The following SMR3A variants were observed in gnomAD, a reference collection of about 807,000 sequenced individuals.
SMR3A encodes the protein submaxillary gland androgen regulated protein 3A.
For missense variants in SMR3A, 188 were observed against 163.0 expected, an observed-to-expected ratio of 1.15 and a Z score of -0.84; for synonymous variants, 48 against 57.4, an observed-to-expected ratio of 0.84 and a Z score of 0.74.
chr4:70,361,247 C>A (rs1732140995), intron 1 of SMR3A, among the ~76,000 whole-genome samples: 1 of 151,916 alleles, frequency 6.6e-6, no homozygotes, highest in African/African-American at 2.4e-5. Flanking sequence ...GCCACACCCA[C>A]ATACAATTGA....
intron 2 of SMR3A, among the ~76,000 whole-genome samples, chr4:70,364,239 C>T (rs1842473): frequency 0.95 from 143,993 of 152,024 alleles, 68,272 homozygotes; most frequent in East Asian, 1. Flanking sequence ...TATTTATTTC[C>T]CAAATGATGT....
At chr4:70,365,875 C>T (rs1319412321) in intron 2 of SMR3A, among the ~76,000 whole-genome samples, 2 of 152,042 alleles carry the variant, frequency 1.3e-5, no homozygotes, top group Non-Finnish European at 2.9e-5. Context: ...CTTTCCCATG[C>T]TGCAAAGGCA....
intron 2 of SMR3A, among the ~76,000 whole-genome samples, chr4:70,363,049 T>C (rs907531877): frequency 3.9e-5 from 6 of 151,980 alleles, no homozygotes; most frequent in African/African-American, 1.4e-4. Flanking sequence ...GCATGCATTA[T>C]GGGTGGACAT....
chr4:70,363,517 A>G (rs1051673954), intron 2 of SMR3A, among the ~76,000 whole-genome samples: 2 of 152,030 alleles, frequency 1.3e-5, no homozygotes, highest in African/African-American at 4.8e-5. Context: ...ATAAATTTAG[A>G]TTCAAATTAT....
intron 2 of SMR3A, among the ~76,000 whole-genome samples, chr4:70,363,115 G>T (rs1264229244): frequency 6.6e-6 from 1 of 151,814 alleles, no homozygotes; most frequent in East Asian, 1.9e-4. Context: ...ATGTCTTAAT[G>T]ACTTCATCAT....
intron 2 of SMR3A, among the ~76,000 whole-genome samples, chr4:70,365,515 T>A (rs960273289): frequency 1.4e-4 from 22 of 152,034 alleles, no homozygotes; most frequent in Non-Finnish European, 2.4e-4. Context: ...TGAACATCAT[T>A]TTCCTGATAA....
In SMR3A at chr4:70,366,527, G is replaced by C. The variant is rs573490019; in HGVS notation, c.55-117G>C. On this transcript the variant is annotated intron_variant, in intron 2 of 2. Transcript: ENST00000226460. ...GATAAGGTCAGGCCAGCATGTGCCA[G>C]CAGGGAGTAGAAATCTTGAGGCCAT... is the stretch of plus-strand genomic sequence containing the variant. 255 of 949,970 alleles carry C rather than the reference G, an allele frequency of 2.7e-4. No homozygotes were observed. The African/African-American group carries it at 3.9e-3, about 14-fold the overall frequency. 58.8% of individuals were successfully genotyped at this position (949,970 alleles called of 1,614,324 possible).
intron 2 of SMR3A, among the ~76,000 whole-genome samples, chr4:70,365,948 T>C (rs182111822): frequency 2.6e-4 from 40 of 152,186 alleles, no homozygotes; most frequent in African/African-American, 8.9e-4. Context: ...AGATTTTTGC[T>C]CATTATCTAT....
chr4:70,362,997 A>T (rs1445682600), intron 2 of SMR3A, among the ~76,000 whole-genome samples: 2 of 151,944 alleles, frequency 1.3e-5, no homozygotes, highest in Non-Finnish European at 2.9e-5. Flanking sequence ...AAAACAGGAC[A>T]TTCTGAGATG....
chr4:70,361,371 G>A (rs1212273020), intron 1 of SMR3A, among the ~76,000 whole-genome samples: 2 of 151,810 alleles, frequency 1.3e-5, no homozygotes, highest in Non-Finnish European at 2.9e-5. Flanking sequence ...AATGGTGCAT[G>A]GAGTTGCTTT....
At chr4:70,362,960 T>C (rs1312603870) in intron 2 of SMR3A, among the ~76,000 whole-genome samples, 1 of 151,928 alleles carries the variant, frequency 6.6e-6, no homozygotes, top group Non-Finnish European at 1.5e-5. Context: ...ATAATACCTC[T>C]TTCTTCTACT....
intron 2 of SMR3A, among the ~76,000 whole-genome samples, chr4:70,365,274 A>G (rs1168614678): frequency 6.6e-6 from 1 of 151,926 alleles, no homozygotes; most frequent in Admixed American, 6.6e-5. Context: ...ATGGGGTCTT[A>G]TTATGTTGTC....
At chr4:70,364,152 G>A (rs1247370263) in intron 2 of SMR3A, among the ~76,000 whole-genome samples, 1 of 152,014 alleles carries the variant, frequency 6.6e-6, no homozygotes, top group Non-Finnish European at 1.5e-5. Flanking sequence ...GCAGGAAAGA[G>A]GTGAAAAGGA....
intron 2 of SMR3A, among the ~76,000 whole-genome samples, 191 bp from the exon 3 acceptor site, chr4:70,366,453 T>C (rs1732263141): frequency 6.6e-6 from 1 of 152,000 alleles, no homozygotes; most frequent in Admixed American, 6.6e-5. Context: ...GCTTCAAATC[T>C]CTCTGATTCC....
At chr4:70,362,242 T>C in intron 2 of SMR3A, 73 bp downstream of exon 2, 1 of 1,603,942 alleles carries the variant, frequency 6.2e-7, no homozygotes, top group Admixed American at 1.7e-5. Flanking sequence ...TCTTTTTACA[T>C]TAATGATGTT....
At position 70,366,696 on chromosome 4, in the gene SMR3A, C is replaced by G. The variant is rs1468946912; in HGVS notation, c.107C>G (p.Ala36Gly). Residue 36 changes from alanine (A) to glycine (G), a missense_variant, in exon 3 of 3, where the codon GCT becomes GGT. Physicochemically the swap from Ala to Gly is moderately conservative, Grantham distance 60. Coordinates refer to ENST00000226460, the MANE Select transcript of SMR3A (RefSeq NM_012390.4). ...GGACCATATCCACCTGGACCACTGG[C>G]TCCTCCTCCTCCACCATGTTTTCCT... ...PRGPYPPGPL[A>G]PPPPPCFPFG... The G allele has an allele frequency of 1.9e-6, 3 of 1,611,758 alleles. No homozygotes were observed. Among genetic ancestry groups the G allele is most frequent in the Non-Finnish European group, 2.5e-6 (3 of 1,178,298 alleles).
intron 1 of SMR3A, among the ~76,000 whole-genome samples, 190 bp downstream of exon 1, chr4:70,361,032 A>T (rs553092163): frequency 6.6e-6 from 1 of 152,048 alleles, no homozygotes; most frequent in Non-Finnish European, 1.5e-5. Context: ...TTGGGCATTG[A>T]GGACAATTAG....
rs1369573937 is a variant in SMR3A at position 70,362,500 on chromosome 4, CAT to C, written c.54+334_54+335del. On this transcript the variant is annotated intron_variant, in intron 2 of 2. Coordinates refer to ENST00000226460, the MANE Select transcript of SMR3A (RefSeq NM_012390.4). ...GATAGTTTAAAGTAGTTGTTCCTAA[CAT>C]ATGGAGTCACCTAACTCACTTATTA... Among the ~76,000 whole-genome samples the C allele has an allele frequency of 3.3e-5, 5 of 151,694 alleles. No individual in the cohort carries two copies. In the East Asian group the frequency reaches 9.8e-4, roughly 30 times the overall value.
intron 1 of SMR3A, 69 bp from the exon 2 acceptor site, chr4:70,362,033 T>G (rs1732156548): frequency 3.1e-6 from 5 of 1,605,072 alleles, no homozygotes; most frequent in Non-Finnish European, 4.3e-6. Context: ...ATCCATGTGT[T>G]GAGACATTTT....
Sources: allele counts gnomAD v4.1 joint callset (sites outside exome capture counted in the v4.1 genomes callset), GRCh38; gene constraint gnomAD v4.1.1; transcripts MANE v1.5; gene names NCBI Gene and HGNC (gene_info 2026-07-23, HGNC 2026-07-21).